HBS1L: variants seen among roughly 807,000 people sequenced by gnomAD.
HBS1L encodes the protein HBS1 like translational GTPase, also known as HBS1-like protein.
HBS1L carries 55 observed loss-of-function variants against 88.9 expected under a neutral mutation model. That is an observed-to-expected ratio of 0.62 (90% CI 0.50 to 0.77). HBS1L has a LOEUF of 0.77. Ranked by LOEUF, HBS1L falls within the 30% of genes least tolerant of loss-of-function variation. The pLI is 0.00. For synonymous variants in HBS1L, 267 were observed against 288.5 expected (o/e 0.93, Z 0.76); for missense variants, 741 against 829.3 (o/e 0.89, Z 1.31).
At chr6:135,039,978 T>C (rs1431794454) in intron 3 of HBS1L, among the ~76,000 whole-genome samples, 1 of 152,250 alleles carries the variant, frequency 6.6e-6, no homozygotes. Context: ...TAAAAATCAC[T>C]ATAATAAAAT....
chr6:134,965,288 T>C lies in HBS1L; in HGVS notation c.2046A>G (p.Ile682Met), dbSNP rs757762224. The change falls in exon 18 of 18, where the codon ATA becomes ATG. Residue 682 changes from isoleucine to methionine, a missense_variant and splice_region_variant. Ile to Met is a conservative substitution (Grantham distance 10, BLOSUM62 1). Around this residue, in one of 3 missense-constraint regions of HBS1L, gnomAD observed 181 missense variants for 212.7 expected, o/e 0.85. Transcript: ENST00000367837. The stretch of plus-strand genomic sequence containing the variant: ...TAGAAATTCTGACCCATCATTCTTT[T>C]ATCTGTTAAAACAAAAAAAAAAAAG... ...STIAAGVVTE[I>M]KE The C allele has an allele frequency of 2.6e-6, 4 of 1,563,216 alleles. No homozygotes were observed. Among genetic ancestry groups the C allele is most frequent in the Non-Finnish European group, 8.7e-7 (1 of 1,143,034 alleles).
intron 2 of HBS1L, among the ~76,000 whole-genome samples, chr6:135,042,998 C>A (rs1776793334): frequency 1.3e-5 from 2 of 152,196 alleles, no homozygotes; most frequent in Non-Finnish European, 2.9e-5. Context: ...AACTTTCAGA[C>A]ATCTGTGCTA....
At chr6:135,022,014 A>G (rs1776084998) in intron 4 of HBS1L, among the ~76,000 whole-genome samples, 1 of 152,184 alleles carries the variant, frequency 6.6e-6, no homozygotes, top group African/African-American at 2.4e-5. Context: ...AGGTACTTCT[A>G]TTAAATCAGA....
intron 4 of HBS1L, chr6:135,036,373 G>T: frequency 1.6e-6 from 2 of 1,279,352 alleles, no homozygotes; most frequent in Non-Finnish European, 2.0e-6. Flanking sequence ...AATAAAGCCA[G>T]TTATCACTGA....
At chr6:134,982,338 ACAGT>A (rs1416407725) in intron 13 of HBS1L, 116 bp downstream of exon 13, 9 of 628,828 alleles carry the variant, frequency 1.4e-5, no homozygotes, top group South Asian at 5.8e-5. Context: ...TATCATTTTG[ACAGT>A]CAGTTACAAT....
intron 5 of HBS1L, among the ~76,000 whole-genome samples, chr6:135,001,350 A>C (rs1236072296): frequency 1.3e-5 from 2 of 152,174 alleles, no homozygotes; most frequent in Admixed American, 1.3e-4. Flanking sequence ...ATTCATTTAG[A>C]TACCTATGCA....
At chr6:135,031,411 T>A (rs1776380360) in intron 4 of HBS1L, among the ~76,000 whole-genome samples, 1 of 152,068 alleles carries the variant, frequency 6.6e-6, no homozygotes, top group African/African-American at 2.4e-5. Flanking sequence ...AAGAGTCGAC[T>A]ATATATGTAT....
chr6:135,029,911 C>T (rs558193578), intron 4 of HBS1L, among the ~76,000 whole-genome samples: 7 of 152,230 alleles, frequency 4.6e-5, no homozygotes, highest in African/African-American at 1.2e-4. Flanking sequence ...AAAATGTATA[C>T]GTACATTCAC....
At chr6:134,967,537 A>G (rs1474231125) in intron 16 of HBS1L, among the ~76,000 whole-genome samples, 1 of 152,210 alleles carries the variant, frequency 6.6e-6, no homozygotes, top group Non-Finnish European at 1.5e-5. Flanking sequence ...GTGCAAAATA[A>G]AAGGATAAAG....
In HBS1L at chr6:135,054,677, C is replaced by A; in HGVS notation, c.15G>T (p.Arg5=). Residue 5 remains arginine (R), a synonymous_variant, in exon 1 of 18, where the codon CGG becomes CGT. Transcript: ENST00000367837. MARH[R]NVRGYNYDED... ...CATCGTAGTTATAGCCTCGAACATT[C>A]CGATGCCGGGCCATGACGGCGGAGA... 6.2e-7 allele frequency: 1 copy of A among 1,614,258 alleles called. No homozygotes were observed. The highest frequency in any genetic ancestry group is 8.5e-7 in the Non-Finnish European group (1 of 1,180,048).
At chr6:135,041,768 T>C (rs1222394823) in intron 3 of HBS1L, among the ~76,000 whole-genome samples, 2 of 152,166 alleles carry the variant, frequency 1.3e-5, no homozygotes, top group East Asian at 3.8e-4. Flanking sequence ...AATGGGATAG[T>C]TCAATTAAAA....
chr6:135,001,928 A>G (rs926905311), intron 5 of HBS1L, among the ~76,000 whole-genome samples: 1 of 151,866 alleles, frequency 6.6e-6, no homozygotes, highest in Non-Finnish European at 1.5e-5. Context: ...TTAAAAAAAT[A>G]TAACTTGGGA....
intron 4 of HBS1L, among the ~76,000 whole-genome samples, chr6:135,011,182 G>C (rs909965382): frequency 6.6e-6 from 1 of 152,060 alleles, no homozygotes; most frequent in African/African-American, 2.4e-5. Flanking sequence ...TAAAAATATA[G>C]GGACTTCAGG....
At chr6:134,980,720 T>TA (rs368202277) in intron 13 of HBS1L, among the ~76,000 whole-genome samples, 87 of 151,808 alleles carry the variant, frequency 5.7e-4, no homozygotes, top group Middle Eastern at 3.4e-3. Context: ...AAGAGGCTCT[T>TA]TTTTAATACT....
intron 8 of HBS1L, among the ~76,000 whole-genome samples, chr6:134,989,354 T>C (rs1484946867): frequency 6.6e-6 from 1 of 152,198 alleles, no homozygotes; most frequent in Non-Finnish European, 1.5e-5. Flanking sequence ...AGACTACACC[T>C]GGCATTCCCC....
At chr6:135,028,377 G>A (rs921367108) in intron 4 of HBS1L, among the ~76,000 whole-genome samples, 6 of 151,716 alleles carry the variant, frequency 4.0e-5, no homozygotes, top group Non-Finnish European at 5.9e-5. Context: ...AAAAGAATAA[G>A]ACAATGTTTG....
At chr6:135,018,960 T>TA (rs1164192589) in intron 4 of HBS1L, among the ~76,000 whole-genome samples, 1 of 151,966 alleles carries the variant, frequency 6.6e-6, no homozygotes, top group Non-Finnish European at 1.5e-5. Context: ...AGCTTGGGCA[T>TA]ATTATTTATA....
chr6:135,036,719 TGCGTC>T (rs766451563), intron 4 of HBS1L: 2 of 1,550,970 alleles, frequency 1.3e-6, no homozygotes, highest in Non-Finnish European at 1.7e-6. Flanking sequence ...AGGTCAAGGG[TGCGTC>T]GCTTGCAGCT....
rs139300772 is a variant in HBS1L at position 135,028,056 on chromosome 6, G to A, written c.430+11517C>T. On this transcript the variant is annotated intron_variant, in intron 4 of 17. Transcript: ENST00000367837. ...GCTGGGAATACAGGCATGAGCCACC[G>A]CGCCTGGCCATAAAAACTTTTAAGA... 2.1e-3 allele frequency among the ~76,000 whole-genome samples: 313 copies of A among 152,054 alleles called. 2 individuals are homozygous for A. Among genetic ancestry groups the A allele is most frequent in the African/African-American group, 7.0e-3 (291 of 41,466 alleles).
Sources: allele counts gnomAD v4.1 joint callset (sites outside exome capture counted in the v4.1 genomes callset), GRCh38; gene constraint gnomAD v4.1.1; regional missense constraint gnomAD v4.1.1; transcripts MANE v1.5; gene names NCBI Gene and HGNC (gene_info 2026-07-23, HGNC 2026-07-21).